Variants in PICALM observed in about 807,000 individuals in gnomAD.
PICALM encodes phosphatidylinositol-binding clathrin assembly protein.
In PICALM, 40 loss-of-function variants were observed where a neutral mutation model predicts 80.5. That is an observed-to-expected ratio of 0.50 (90% confidence interval 0.39 to 0.65). The LOEUF is 0.65. Among genes scored for constraint, PICALM ranks in the 30% least tolerant of loss-of-function variants. PICALM has a pLI of 0.00. For synonymous variants in PICALM, 288 were observed against 260.3 expected (o/e 1.11, Z -1.02); for missense variants, 676 against 778.9 (o/e 0.87, Z 1.57).
intron 12 of PICALM, 85 bp downstream of exon 12, chr11:85,996,741 A>G: frequency 1.2e-6 from 1 of 804,254 alleles, no homozygotes. Flanking sequence ...TATCAAGTGT[A>G]ATAAAAAACT....
chr11:86,065,514 G>T (rs1034677645), intron 1 of PICALM, among the ~76,000 whole-genome samples: 1 of 152,112 alleles, frequency 6.6e-6, no homozygotes, highest in African/African-American at 2.4e-5. Context: ...ACTGCTAAAT[G>T]GAATTAGAAG....
chr11:85,981,878 C>T lies in PICALM; in HGVS notation c.1642G>A (p.Val548Met). Residue 548 changes from valine (V) to methionine (M), a missense_variant, in exon 15 of 20, where the codon GTG (valine) becomes ATG (methionine). Physicochemically the swap from Val to Met is conservative, Grantham distance 21 (BLOSUM62 1). Coordinates refer to ENST00000393346, the MANE Select transcript of PICALM (RefSeq NM_007166.4). Reference sequence around the variant, plus strand: ...GTATCCAAAGACTACTTACTGCCCACAAGGTTGGCTAAAGATGAATCCAAG... The same window carrying T: ...GTATCCAAAGACTACTTACTGCCCATAAGGTTGGCTAAAGATGAATCCAAG... ...DDLDSSLANL[V>M]GNLGIGNGTT... 2 of 1,613,868 alleles carry T rather than the reference C, an allele frequency of 1.2e-6. No individual in the cohort carries two copies. Among genetic ancestry groups the T allele is most frequent in the Non-Finnish European group, 1.7e-6 (2 of 1,179,772 alleles).
chr11:86,035,959 A>G (rs889341527), intron 1 of PICALM, among the ~76,000 whole-genome samples: 3 of 150,578 alleles, frequency 2.0e-5, no homozygotes, highest in Non-Finnish European at 2.9e-5. Context: ...AAAAAAAAAA[A>G]AAAAAAGAAA....
chr11:86,033,565 T>A (rs116414611), intron 1 of PICALM, among the ~76,000 whole-genome samples: 2 of 152,170 alleles, frequency 1.3e-5, no homozygotes, highest in African/African-American at 4.8e-5. Context: ...TCCCTGAATA[T>A]TTACGCAAAA....
chr11:86,062,189 C>T (rs2096377861), intron 1 of PICALM, among the ~76,000 whole-genome samples: 1 of 152,118 alleles, frequency 6.6e-6, no homozygotes, highest in African/African-American at 2.4e-5. Flanking sequence ...ATGTGCCATA[C>T]AATTGGCCAA....
At position 86,016,641 on chromosome 11, in the gene PICALM, A is replaced by G. The variant is rs959772207; in HGVS notation, c.453-1678T>C. The stretch of plus-strand genomic sequence containing the variant: ...AACTAATCCATGCCTGTACACACAT[A>G]GCTGAGTGCTGGTAAAGAAAACAGC... On this transcript the variant is annotated intron_variant, in intron 4 of 19. Coordinates refer to ENST00000393346, the MANE Select transcript of PICALM (RefSeq NM_007166.4). 2.6e-5 allele frequency among the ~76,000 whole-genome samples: 4 copies of G among 152,344 alleles called. No individual in the cohort carries two copies. In the South Asian group the frequency reaches 8.3e-4, roughly 32 times the overall value.
At chr11:85,977,474 T>G (rs375910402) in intron 17 of PICALM, among the ~76,000 whole-genome samples, 1 of 152,128 alleles carries the variant, frequency 6.6e-6, no homozygotes, top group Non-Finnish European at 1.5e-5. Context: ...TTTCTCATAA[T>G]GAAAACTGAA....
intron 19 of PICALM, among the ~76,000 whole-genome samples, chr11:85,963,918 G>A (rs1205804473): frequency 5.6e-5 from 2 of 35,710 alleles, no homozygotes; most frequent in Non-Finnish European, 1.2e-4. Context: ...CACCACACCT[G>A]GCTTTTTTTT....
chr11:86,051,683 A>G (rs1348496129), intron 1 of PICALM, among the ~76,000 whole-genome samples: 1 of 152,158 alleles, frequency 6.6e-6, no homozygotes, highest in African/African-American at 2.4e-5. Flanking sequence ...AAAAAAGTAT[A>G]GAAAGTTGAC....
chr11:85,990,629 C>T (rs2094738993), intron 12 of PICALM, among the ~76,000 whole-genome samples: 1 of 152,084 alleles, frequency 6.6e-6, no homozygotes, highest in African/African-American at 2.4e-5. Context: ...GTTAACACCA[C>T]AAAGCCAACA....
chr11:85,989,305 G>C (rs1051105462), intron 13 of PICALM, among the ~76,000 whole-genome samples: 1 of 152,150 alleles, frequency 6.6e-6, no homozygotes, highest in African/African-American at 2.4e-5. Context: ...AACTTTGTCT[G>C]ATCTACTAAC....
At chr11:86,037,581 A>G (rs1452544727) in intron 1 of PICALM, among the ~76,000 whole-genome samples, 1 of 149,202 alleles carries the variant, frequency 6.7e-6, no homozygotes, top group Non-Finnish European at 1.5e-5. Flanking sequence ...TTTTTTAATT[A>G]CTGCTTGTAG....
Position 86,039,036 on chromosome 11 carries a change from G to C in PICALM, c.131-7425C>G, listed in dbSNP as rs138661393. Among the ~76,000 whole-genome samples the C allele has an allele frequency of 6.4e-3, 975 of 151,898 alleles. 17 individuals are homozygous for C. The highest frequency in any genetic ancestry group is 0.023 in the African/African-American group (951 of 41,372). ...TGAGGCAGGAGAATAACTTGAATCT[G>C]GGAGGCAGAGGTTGTGGTGAGCCAA... On this transcript the variant is annotated intron_variant, in intron 1 of 19. Transcript: ENST00000393346.
chr11:86,048,865 T>G (rs901296742), intron 1 of PICALM, among the ~76,000 whole-genome samples: 1 of 149,888 alleles, frequency 6.7e-6, no homozygotes, highest in African/African-American at 2.5e-5. Context: ...AAAAAATTAC[T>G]GCCTGCTAAA....
chr11:85,973,648 A>T (rs1483075608), intron 19 of PICALM, among the ~76,000 whole-genome samples: 3 of 152,150 alleles, frequency 2.0e-5, no homozygotes, highest in Admixed American at 2.0e-4. Flanking sequence ...TCCCCCAAAG[A>T]GAAGAGGGGA....
chr11:86,014,138 A>G (rs1387699996), intron 5 of PICALM, among the ~76,000 whole-genome samples: 1 of 152,234 alleles, frequency 6.6e-6, no homozygotes, highest in African/African-American at 2.4e-5. Context: ...TACAACAGAG[A>G]ACAAAAGTGA....
chr11:86,005,515 G>A (rs867856161), intron 8 of PICALM, among the ~76,000 whole-genome samples: 12 of 151,996 alleles, frequency 7.9e-5, no homozygotes, highest in Non-Finnish European at 1.3e-4. Flanking sequence ...ACCAGCCTGC[G>A]GAATATAGGG....
At chr11:86,001,691 C>A (rs1458118428) in intron 9 of PICALM, among the ~76,000 whole-genome samples, 3 of 152,228 alleles carry the variant, frequency 2.0e-5, no homozygotes, top group Admixed American at 6.5e-5. Flanking sequence ...TCAATCTAGT[C>A]ATCAGGCCAT....
chr11:85,968,932 A>G (rs2093999796), intron 19 of PICALM, among the ~76,000 whole-genome samples: 1 of 149,994 alleles, frequency 6.7e-6, no homozygotes, highest in Non-Finnish European at 1.5e-5. Flanking sequence ...TCTAAAAAAT[A>G]CAGAAAAATG....
Sources: gnomAD v4.1 joint callset for allele counts (sites outside exome capture counted in the v4.1 genomes callset) on GRCh38, gnomAD v4.1.1 for gene constraint, MANE v1.5 for transcripts, NCBI Gene and HGNC (gene_info 2026-07-23, HGNC 2026-07-21) for gene names.